Variants in ACOT1 observed in about 807,000 individuals in gnomAD.
ACOT1 encodes the protein acyl-coenzyme A thioesterase 1.
A neutral mutation model predicts 15.7 loss-of-function variants in ACOT1; 8 were observed. The observed-to-expected ratio is 0.51, with a 90% CI of 0.30 to 0.92. The LOEUF (loss-of-function observed/expected upper bound fraction) is 0.92. Ranked by LOEUF, ACOT1 falls within the 40% of genes least tolerant of loss-of-function variation. The pLI is 0.06. For missense variants in ACOT1, 151 were observed against 539.4 expected (o/e 0.28, Z 7.13); for synonymous variants, 67 against 241.2 (o/e 0.28, Z 6.69).
the ACOT1 span, among the ~76,000 whole-genome samples, chr14:73,519,735 C>T: frequency 6.6e-6 from 1 of 151,438 alleles, no homozygotes; most frequent in Non-Finnish European, 1.5e-5. Context: ...AGAAAAGAAC[C>T]GGCTGGGCAC....
chr14:73,491,612 C>G, the ACOT1 span: 14 of 1,547,092 alleles, frequency 9.0e-6, no homozygotes, highest in Admixed American at 2.0e-5. Flanking sequence ...CCCCAGCAGC[C>G]GGCGGCGAGC....
At chr14:73,506,871 G>C in the ACOT1 span, among the ~76,000 whole-genome samples, 3 of 137,160 alleles carry the variant, frequency 2.2e-5, no homozygotes, top group Non-Finnish European at 4.6e-5. Flanking sequence ...CACAATCTCG[G>C]CTCACTGCAA....
chr14:73,523,059 A>C, the ACOT1 span: 1 of 1,613,942 alleles, frequency 6.2e-7, no homozygotes, highest in African/African-American at 1.3e-5. Context: ...TTCAATTTTG[A>C]GTAGTTTAAA....
At chr14:73,502,810 G>C in the ACOT1 span, 1 of 967,642 alleles carries the variant, frequency 1.0e-6, no homozygotes, top group Non-Finnish European at 1.7e-6. Flanking sequence ...TCTTCCCAAA[G>C]TGTTGGGAGC....
the ACOT1 span, among the ~76,000 whole-genome samples, chr14:73,524,293 CAAAA>C: frequency 4.2e-4 from 24 of 56,644 alleles, no homozygotes; most frequent in East Asian, 1.9e-3. Context: ...AACTCCGTCT[CAAAA>C]AAAAAAAAAA....
chr14:73,506,252 C>T, the ACOT1 span, among the ~76,000 whole-genome samples: 1 of 152,294 alleles, frequency 6.6e-6, no homozygotes, highest in East Asian at 1.9e-4. Flanking sequence ...CAGTTACCAA[C>T]AGTTTATGGA....
chr14:73,529,377 AT>A, the ACOT1 span, among the ~76,000 whole-genome samples: 36 of 137,110 alleles, frequency 2.6e-4, 1 homozygote, highest in Admixed American at 7.0e-4. Flanking sequence ...AAAAAAAAAA[AT>A]TAAGTCAATC....
chr14:73,502,867 G>A, the ACOT1 span: 1 of 1,532,594 alleles, frequency 6.5e-7, no homozygotes, highest in Middle Eastern at 1.7e-4. Context: ...ATTTAGAAGA[G>A]TGTCTCCTCA....
At chr14:73,498,038 G>T in the ACOT1 span, 1 of 904,814 alleles carries the variant, frequency 1.1e-6, no homozygotes, top group Non-Finnish European at 1.7e-6. Context: ...ATGTGCAGGT[G>T]AACCAGTGCT....
the ACOT1 span, chr14:73,520,840 C>G: frequency 6.2e-7 from 1 of 1,611,062 alleles, no homozygotes; most frequent in South Asian, 1.1e-5. Context: ...CACAGGGGCC[C>G]AGCTCTATTA....
At chr14:73,531,069 C>G in the ACOT1 span, 2 of 107,778 alleles carry the variant, frequency 1.9e-5, 1 homozygote, top group Non-Finnish European at 4.0e-5. Flanking sequence ...TTTCAGCTAC[C>G]TCAGGTTGCC....
At chr14:73,499,041 G>A in the ACOT1 span, 2 of 1,589,870 alleles carry the variant, frequency 1.3e-6, no homozygotes, top group Non-Finnish European at 1.7e-6. Flanking sequence ...ATTTAAGGTT[G>A]AAGAGTTTGG....
chr14:73,491,266 G>A, the ACOT1 span: 1 of 1,570,876 alleles, frequency 6.4e-7, no homozygotes, highest in Non-Finnish European at 8.6e-7. Flanking sequence ...CCGGTGGGGC[G>A]GCGGTGGCGG....
intron 1 of ACOT1, among the ~76,000 whole-genome samples, chr14:73,540,949 C>T (rs1889061366): frequency 8.7e-6 from 1 of 115,362 alleles, no homozygotes; most frequent in Non-Finnish European, 1.9e-5. Context: ...ACCATGTTGG[C>T]CAGGCTGGTC....
the ACOT1 span, chr14:73,491,348 G>T: frequency 2.1e-6 from 3 of 1,437,668 alleles, no homozygotes; most frequent in Non-Finnish European, 2.7e-6. Flanking sequence ...GGCCTCGCCC[G>T]CCGCGCGCTC....
the ACOT1 span, chr14:73,491,470 C>T: frequency 2.7e-6 from 4 of 1,483,020 alleles, no homozygotes; most frequent in East Asian, 2.5e-5. Context: ...TGCTGTGCAC[C>T]GCGCAACACT....
the ACOT1 span, chr14:73,520,806 G>A: frequency 8.4e-6 from 13 of 1,539,324 alleles, no homozygotes; most frequent in Non-Finnish European, 9.8e-6. Flanking sequence ...CACCTTCCTG[G>A]CCCATGTCCC....
the ACOT1 span, chr14:73,490,966 C>G: frequency 5.3e-6 from 7 of 1,309,242 alleles, no homozygotes; most frequent in South Asian, 7.0e-5. Context: ...TCAGGAACCG[C>G]TTTAGCTTCG....
the ACOT1 span, chr14:73,522,491 T>C: frequency 4.3e-6 from 7 of 1,614,106 alleles, no homozygotes; most frequent in African/African-American, 5.3e-5. Context: ...TCGAGGACGC[T>C]TGCTCTGGAT....
Sources: gnomAD v4.1 joint callset for allele counts (sites outside exome capture counted in the v4.1 genomes callset) on GRCh38, gnomAD v4.1.1 for gene constraint, MANE v1.5 for transcripts, NCBI Gene and HGNC (gene_info 2026-07-23, HGNC 2026-07-21) for gene names.